Variants in E2F3 observed in about 807,000 individuals in gnomAD.
The protein encoded by E2F3 is transcription factor E2F3.
A neutral mutation model predicts 44.4 loss-of-function variants in E2F3; 11 were observed. That is an observed-to-expected ratio of 0.25 (90% CI 0.16 to 0.41). The LOEUF is 0.41. Among genes scored for constraint, E2F3 ranks in the 10% least tolerant of loss-of-function variants. E2F3 has a pLI of 1.00. For synonymous variants in E2F3, 249 were observed against 253.0 expected (o/e 0.98, Z 0.15); for missense variants, 487 against 583.6 (o/e 0.83, Z 1.70).
chr6:20,456,396 C>T (rs933457734), intron 1 of E2F3, among the ~76,000 whole-genome samples: 3 of 151,924 alleles, frequency 2.0e-5, no homozygotes, highest in Admixed American at 1.3e-4. Flanking sequence ...TTTAATGTAT[C>T]TGTTCTTGTA....
intron 6 of E2F3, among the ~76,000 whole-genome samples, chr6:20,488,664 C>T (rs985114420): frequency 1.3e-5 from 2 of 152,092 alleles, no homozygotes; most frequent in Non-Finnish European, 2.9e-5. Flanking sequence ...TTTTCCCCCC[C>T]AATGAGATGG....
At chr6:20,462,813 G>A (rs954703062) in intron 1 of E2F3, among the ~76,000 whole-genome samples, 3 of 147,754 alleles carry the variant, frequency 2.0e-5, no homozygotes, top group African/African-American at 5.0e-5. Flanking sequence ...GGCAGGGCAG[G>A]TCTCTCTATC....
At position 20,492,149 on chromosome 6, in the gene E2F3, G is replaced by GAA. The variant is rs747112786; in HGVS notation, c.*1730_*1731dup. 187 of 175,668 alleles carry GAA rather than the reference G, an allele frequency of 1.1e-3. No homozygotes were observed. The highest frequency in any genetic ancestry group is 8.7e-3 in the Middle Eastern group (5 of 572). 10.9% of individuals were successfully genotyped at this position (175,668 alleles called of 1,614,324 possible). On this transcript the variant is annotated 3_prime_UTR_variant, in exon 7 of 7. Coordinates refer to ENST00000346618, the MANE Select transcript of E2F3 (RefSeq NM_001949.5). ...TAATTGAATTGAAAATATCCCTTAG[G>GAA]AAAAAAAAAAAACACACAAAAAACC...
chr6:20,488,633 T>C (rs961508516), intron 6 of E2F3, among the ~76,000 whole-genome samples: 29 of 152,250 alleles, frequency 1.9e-4, no homozygotes, highest in African/African-American at 6.5e-4. Context: ...GAAAAGCCTT[T>C]GTTGGAGAAT....
chr6:20,487,039 G>A (rs763580385), intron 5 of E2F3, among the ~76,000 whole-genome samples: 6 of 152,114 alleles, frequency 3.9e-5, no homozygotes, highest in East Asian at 1.9e-4. Flanking sequence ...TATATGATGC[G>A]CTGTCCCTCT....
At chr6:20,423,000 G>A (rs1302952588) in intron 1 of E2F3, among the ~76,000 whole-genome samples, 2 of 152,202 alleles carry the variant, frequency 1.3e-5, no homozygotes, top group African/African-American at 4.8e-5. Context: ...CCTTCAGTTT[G>A]TAAAACACTG....
intron 1 of E2F3, among the ~76,000 whole-genome samples, chr6:20,418,185 C>A (rs1239935785): frequency 6.6e-6 from 1 of 152,076 alleles, no homozygotes; most frequent in African/African-American, 2.4e-5. Flanking sequence ...CACTGGGGAC[C>A]GACGTGTGGG....
In E2F3 at chr6:20,462,746, C is replaced by T. The variant is rs548338025; in HGVS notation, c.394-17100C>T. ...GTGCTGGGATTACAGGCGTGAGCCA[C>T]CACACCCTGCCTAGTTCACTAATTC... On this transcript the variant is annotated intron_variant, in intron 1 of 6. Coordinates refer to ENST00000346618, the MANE Select transcript of E2F3 (RefSeq NM_001949.5). Among the ~76,000 whole-genome samples, 161 of 152,034 alleles carry T rather than the reference C, an allele frequency of 1.1e-3. 1 individual carries two copies. Among genetic ancestry groups the T allele is most frequent in the African/African-American group, 3.7e-3 (153 of 41,454 alleles).
chr6:20,403,605 G>C (rs1759384817), intron 1 of E2F3: 1 of 474,734 alleles, frequency 2.1e-6, no homozygotes, highest in East Asian at 3.6e-5. Context: ...GGGGGAGAGG[G>C]GGGCACCCAC....
chr6:20,462,078 C>T (rs899781764), intron 1 of E2F3, among the ~76,000 whole-genome samples: 5 of 152,128 alleles, frequency 3.3e-5, no homozygotes, highest in Non-Finnish European at 7.4e-5. Flanking sequence ...TAATTTTTCT[C>T]TTGGGTTATA....
intron 1 of E2F3, among the ~76,000 whole-genome samples, chr6:20,469,424 A>G (rs1028276237): frequency 3.3e-5 from 5 of 152,224 alleles, no homozygotes; most frequent in Admixed American, 3.3e-4. Context: ...CCAGCAAGGT[A>G]GCCATTATAG....
At chr6:20,477,652 G>A (rs1056929297) in intron 1 of E2F3, among the ~76,000 whole-genome samples, 5 of 152,016 alleles carry the variant, frequency 3.3e-5, no homozygotes, top group African/African-American at 7.3e-5. Flanking sequence ...TGGAATTTGC[G>A]TTTCCTAGCA....
At chr6:20,405,310 G>A (rs1759455501) in intron 1 of E2F3, among the ~76,000 whole-genome samples, 1 of 149,546 alleles carries the variant, frequency 6.7e-6, no homozygotes, top group Non-Finnish European at 1.5e-5. Context: ...TTTTTTATAT[G>A]ATTGCAATGT....
At chr6:20,454,929 G>A (rs897906759) in intron 1 of E2F3, among the ~76,000 whole-genome samples, 14 of 152,224 alleles carry the variant, frequency 9.2e-5, no homozygotes, top group African/African-American at 2.2e-4. Flanking sequence ...TCAACTACCC[G>A]GGCCAAATCC....
chr6:20,447,991 A>T (rs978107316), intron 1 of E2F3, among the ~76,000 whole-genome samples: 3 of 152,238 alleles, frequency 2.0e-5, no homozygotes, highest in Non-Finnish European at 2.9e-5. Context: ...GTAATCCATC[A>T]CATCGTCCTT....
Position 20,439,056 on chromosome 6 carries a change from T to C in E2F3, c.393+36431T>C, listed in dbSNP as rs138359870. ...GTTGACTTTGGGGAAGACATAAATA[T>C]TATAAAAGAGATTTAGAAGTTGATG... On this transcript the variant is annotated intron_variant, in intron 1 of 6. Coordinates refer to ENST00000346618, the MANE Select transcript of E2F3 (RefSeq NM_001949.5). 2.6e-5 allele frequency among the ~76,000 whole-genome samples: 4 copies of C among 152,294 alleles called. No homozygotes were observed. The East Asian group carries it at 5.8e-4, about 22-fold the overall frequency.
intron 2 of E2F3, among the ~76,000 whole-genome samples, chr6:20,480,855 CCT>C (rs780558896): frequency 8.5e-5 from 13 of 152,230 alleles, no homozygotes; most frequent in Non-Finnish European, 1.6e-4. Flanking sequence ...GTGCTGGTCC[CCT>C]GAGGCCACAG....
chr6:20,444,739 A>T (rs1463420682), intron 1 of E2F3, among the ~76,000 whole-genome samples: 3 of 149,752 alleles, frequency 2.0e-5, no homozygotes, highest in Non-Finnish European at 4.4e-5. Context: ...AAAAAACACA[A>T]CAACAACAGA....
At chr6:20,480,086 TGC>T in intron 2 of E2F3, 129 bp downstream of exon 2, 1 of 1,426,694 alleles carries the variant, frequency 7.0e-7, no homozygotes, top group Non-Finnish European at 9.2e-7. Flanking sequence ...TTTCTTTCTG[TGC>T]TTATCCAAAA....
Sources: gnomAD v4.1 joint callset for allele counts (sites outside exome capture counted in the v4.1 genomes callset) on GRCh38, gnomAD v4.1.1 for gene constraint, MANE v1.5 for transcripts, NCBI Gene and HGNC (gene_info 2026-07-23, HGNC 2026-07-21) for gene names.